Variants in FOXP2 observed in about 807,000 individuals in gnomAD.
The protein encoded by FOXP2 is forkhead box protein P2.
Under a neutral mutation model 115.8 loss-of-function variants are expected in FOXP2, and 12 were observed. The ratio of observed to expected loss-of-function variants is 0.10; its 90% CI spans 0.07 to 0.17. FOXP2 has a LOEUF of 0.17. Among genes scored for constraint, FOXP2 ranks in the 10% least tolerant of loss-of-function variants. FOXP2 has a pLI of 1.00. For synonymous variants in FOXP2, 328 were observed against 297.7 expected (o/e 1.10, Z -1.05); for missense variants, 629 against 843.5 (o/e 0.75, Z 3.15).
chr7:114,263,363 A>G (rs1795810774), intron 1 of FOXP2, among the ~76,000 whole-genome samples: 1 of 145,862 alleles, frequency 6.9e-6, no homozygotes, highest in South Asian at 2.2e-4. Flanking sequence ...TTTTTTTTCA[A>G]TTTTCTTTCC....
chr7:114,493,658 ACTCTCTCT>A (rs111542252), intron 2 of FOXP2, among the ~76,000 whole-genome samples: 2 of 147,662 alleles, frequency 1.4e-5, no homozygotes, highest in Non-Finnish European at 3.0e-5. Context: ...ACACACACAT[ACTCTCTCT>A]CTCTCTCTCT....
At chr7:114,199,344 G>T (rs541065757) in intron 1 of FOXP2, among the ~76,000 whole-genome samples, 1 of 151,998 alleles carries the variant, frequency 6.6e-6, no homozygotes, top group African/African-American at 2.4e-5. Flanking sequence ...AATGTATTTT[G>T]TAACCTTTCT....
intron 1 of FOXP2, among the ~76,000 whole-genome samples, chr7:114,205,834 A>G (rs984252001): frequency 6.6e-6 from 1 of 152,120 alleles, no homozygotes; most frequent in Non-Finnish European, 1.5e-5. Flanking sequence ...GATGAAGGCT[A>G]TTCTAGAAAG....
chr7:114,658,000 CA>C (rs1806676255), intron 10 of FOXP2, 65 bp from the exon 11 acceptor site: 3 of 1,581,834 alleles, frequency 1.9e-6, no homozygotes, highest in African/African-American at 1.3e-5. Flanking sequence ...TCTCATTTGT[CA>C]AACCTTTTTA....
rs925626139 is a variant in FOXP2 at position 114,457,942 on chromosome 7, A to G, written c.168+31263A>G. Among the ~76,000 whole-genome samples the G allele has an allele frequency of 1.9e-4, 29 of 152,200 alleles. 1 individual carries two copies. Among genetic ancestry groups the G allele is most frequent in the Admixed American group, 1.4e-3 (22 of 15,286 alleles). On this transcript the variant is annotated intron_variant, in intron 2 of 16. Coordinates refer to ENST00000350908, the MANE Select transcript of FOXP2 (RefSeq NM_014491.4). The stretch of plus-strand genomic sequence containing the variant: ...TCATTTTTGTATTAGAAAGATGACA[A>G]CTTTACAAGGCAAGTGAATTCTGTT...
intron 1 of FOXP2, among the ~76,000 whole-genome samples, chr7:114,247,228 T>C (rs1211216377): frequency 1.3e-5 from 2 of 152,208 alleles, no homozygotes; most frequent in African/African-American, 2.4e-5. Flanking sequence ...ACGTTCTTTA[T>C]CTATGAATAT....
chr7:114,295,224 T>G (rs905393405), intron 2 of FOXP2, among the ~76,000 whole-genome samples: 3 of 152,212 alleles, frequency 2.0e-5, no homozygotes, highest in African/African-American at 7.2e-5. Flanking sequence ...AGTGCACCAT[T>G]ACAATAATCT....
At chr7:114,321,452 C>T (rs1211594258) in intron 2 of FOXP2, among the ~76,000 whole-genome samples, 2 of 152,056 alleles carry the variant, frequency 1.3e-5, no homozygotes, top group Non-Finnish European at 2.9e-5. Context: ...CCTGCCTCAG[C>T]CTCCCAAAGT....
chr7:114,598,650 A>C (rs753388805), intron 3 of FOXP2, among the ~76,000 whole-genome samples: 2 of 152,172 alleles, frequency 1.3e-5, no homozygotes, highest in East Asian at 1.9e-4. Context: ...CTAAGTGTAC[A>C]GTTCAATAGT....
chr7:114,580,011 A>C (rs1475297081), intron 3 of FOXP2, among the ~76,000 whole-genome samples: 1 of 152,226 alleles, frequency 6.6e-6, no homozygotes, highest in South Asian at 2.1e-4. Flanking sequence ...TCTTATTGGC[A>C]TATGTAGCCT....
intron 16 of FOXP2, among the ~76,000 whole-genome samples, chr7:114,683,080 G>C (rs544739645): frequency 4.6e-5 from 7 of 152,280 alleles, no homozygotes; most frequent in African/African-American, 1.7e-4. Context: ...AGCCATTGGG[G>C]AAAATTTTAT....
At chr7:114,175,508 T>C (rs916643877) in intron 1 of FOXP2, among the ~76,000 whole-genome samples, 3 of 152,192 alleles carry the variant, frequency 2.0e-5, no homozygotes, top group Non-Finnish European at 4.4e-5. Context: ...CTAATGACCA[T>C]TTTCATTTAA....
chr7:114,242,553 G>C (rs917286710), intron 1 of FOXP2, among the ~76,000 whole-genome samples: 3 of 152,046 alleles, frequency 2.0e-5, no homozygotes, highest in Admixed American at 2.0e-4. Flanking sequence ...CATCCTCCAG[G>C]ATTGACAACT....
chr7:114,098,131 A>C (rs1471758965), intron 1 of FOXP2, among the ~76,000 whole-genome samples: 1 of 152,206 alleles, frequency 6.6e-6, no homozygotes, highest in African/African-American at 2.4e-5. Context: ...TTAGTTTGAA[A>C]ATGCTAAGCT....
chr7:114,437,800 C>G (rs1794421919), intron 2 of FOXP2, among the ~76,000 whole-genome samples: 1 of 152,110 alleles, frequency 6.6e-6, no homozygotes, highest in African/African-American at 2.4e-5. Context: ...CAGGCCTGCT[C>G]TGGTTGAATC....
chr7:114,347,521 T>A (rs1240537226), intron 2 of FOXP2, among the ~76,000 whole-genome samples: 1 of 152,002 alleles, frequency 6.6e-6, no homozygotes, highest in Non-Finnish European at 1.5e-5. Flanking sequence ...GTTTCAACCT[T>A]GAAAGTTGGC....
At chr7:114,356,524 C>T (rs1026715111) in intron 2 of FOXP2, among the ~76,000 whole-genome samples, 3 of 152,138 alleles carry the variant, frequency 2.0e-5, no homozygotes, top group African/African-American at 7.2e-5. Flanking sequence ...CACCTACTCA[C>T]TTAGAGGGTA....
intron 3 of FOXP2, among the ~76,000 whole-genome samples, chr7:114,583,307 G>A (rs1801963004): frequency 6.6e-6 from 1 of 152,090 alleles, no homozygotes; most frequent in African/African-American, 2.4e-5. Flanking sequence ...TTAACCCGGA[G>A]GTGGGGGTTG....
At chr7:114,536,418 T>G (rs1272374939) in intron 3 of FOXP2, among the ~76,000 whole-genome samples, 2 of 113,106 alleles carry the variant, frequency 1.8e-5, no homozygotes, top group African/African-American at 7.1e-5. Context: ...TTTTTTTTTT[T>G]GTTGTTGTTG....
Sources: allele counts gnomAD v4.1 joint callset (sites outside exome capture counted in the v4.1 genomes callset), GRCh38; gene constraint gnomAD v4.1.1; transcripts MANE v1.5; gene names NCBI Gene and HGNC (gene_info 2026-07-23, HGNC 2026-07-21).